The following NRXN1 variants were observed in gnomAD, a reference collection of about 807,000 sequenced individuals.
NRXN1 encodes neurexin-1.
NRXN1 carries 39 observed loss-of-function variants against 150.9 expected under a neutral mutation model. That is an observed-to-expected ratio of 0.26 (90% CI 0.20 to 0.34). NRXN1 has a LOEUF of 0.34. Ranked by LOEUF, NRXN1 falls within the 10% of genes least tolerant of loss-of-function variation. The pLI is 1.00. For missense variants in NRXN1, 1,815 were observed against 1,949.9 expected (o/e 0.93, Z 1.30); for synonymous variants, 924 against 757.0 (o/e 1.22, Z -3.62).
intron 17 of NRXN1, among the ~76,000 whole-genome samples, chr2:50,304,093 T>C (rs974082496): frequency 6.6e-6 from 1 of 152,148 alleles, no homozygotes; most frequent in African/African-American, 2.4e-5. Flanking sequence ...TCGATGAAGA[T>C]GCAGCAGAAA....
chr2:50,036,708 G>C (rs1445428898), intron 21 of NRXN1, among the ~76,000 whole-genome samples: 1 of 152,136 alleles, frequency 6.6e-6, no homozygotes, highest in African/African-American at 2.4e-5. Flanking sequence ...TGCTTAATCG[G>C]TGTGGCAAAA....
intron 17 of NRXN1, among the ~76,000 whole-genome samples, chr2:50,449,048 T>A (rs150014361): frequency 2.0e-4 from 31 of 152,270 alleles, no homozygotes; most frequent in African/African-American, 7.0e-4. Context: ...TTAAACTAGA[T>A]CATCTAATGA....
At position 49,918,772 on chromosome 2, in the gene NRXN1, A is replaced by G. The variant is rs1439696118; in HGVS notation, c.*3172T>C. 1 of 152,130 alleles carries G rather than the reference A, an allele frequency of 6.6e-6. No homozygotes were observed. The highest frequency in any genetic ancestry group is 2.4e-5 in the African/African-American group (1 of 41,442). 9.4% of individuals were successfully genotyped at this position (152,130 alleles called of 1,614,324 possible). On this transcript the variant is annotated 3_prime_UTR_variant, in exon 23 of 23. Coordinates refer to ENST00000401669, the MANE Select transcript of NRXN1 (RefSeq NM_001330078.2). ...AACATTCTTCCTCTATAATATAAGG[A>G]TGGGTCTTCCCTTCAAATGCAGCCT...
At chr2:50,863,323 C>CTT (rs1226627167) in intron 5 of NRXN1, among the ~76,000 whole-genome samples, 11 of 152,038 alleles carry the variant, frequency 7.2e-5, no homozygotes, top group African/African-American at 2.7e-4. Context: ...ACCACCGCAG[C>CTT]AATTTCAGGT....
chr2:50,477,517 CT>C (rs2090087152), intron 15 of NRXN1, among the ~76,000 whole-genome samples: 1 of 152,118 alleles, frequency 6.6e-6, no homozygotes. Flanking sequence ...TTCCTCTTCA[CT>C]TAAAATAGGA....
intron 3 of NRXN1, 63 bp from the exon 4 acceptor site, chr2:50,922,750 A>C: frequency 1.3e-6 from 2 of 1,531,646 alleles, no homozygotes; most frequent in Non-Finnish European, 1.8e-6. Flanking sequence ...CAGGGTTGTC[A>C]CGGTGACAAA....
intron 21 of NRXN1, among the ~76,000 whole-genome samples, chr2:50,017,362 C>T (rs149383794): frequency 1.3e-5 from 2 of 152,214 alleles, no homozygotes; most frequent in East Asian, 3.9e-4. Context: ...CCATAAACTG[C>T]CCCCTTGTCT....
intron 6 of NRXN1, 123 bp from the exon 7 acceptor site, chr2:50,621,372 A>C (rs1440484074): frequency 1.5e-6 from 1 of 662,986 alleles, no homozygotes; most frequent in Non-Finnish European, 2.5e-6. Context: ...CGGTTAGTAG[A>C]ATGAAACATT....
chr2:50,301,927 G>A (rs886208435), intron 17 of NRXN1, among the ~76,000 whole-genome samples: 2 of 152,126 alleles, frequency 1.3e-5, no homozygotes, highest in Non-Finnish European at 2.9e-5. Flanking sequence ...TGAGTACAAA[G>A]TCTTTCCAAA....
chr2:50,040,731 C>CA (rs1229610305), intron 21 of NRXN1, among the ~76,000 whole-genome samples: 2 of 151,720 alleles, frequency 1.3e-5, no homozygotes, highest in Non-Finnish European at 2.9e-5. Flanking sequence ...TACAACAAAG[C>CA]AAAAAAGTGA....
intron 21 of NRXN1, among the ~76,000 whole-genome samples, chr2:49,977,484 T>C (rs2152503275): frequency 6.6e-6 from 1 of 152,344 alleles, no homozygotes; most frequent in Non-Finnish European, 1.5e-5. Flanking sequence ...GCTAAACTTT[T>C]CTACCTTCTT....
intron 21 of NRXN1, among the ~76,000 whole-genome samples, chr2:49,999,728 T>C (rs778049329): frequency 6.6e-6 from 1 of 152,184 alleles, no homozygotes; most frequent in Non-Finnish European, 1.5e-5. Flanking sequence ...CCACACCTCA[T>C]AGAACACACA....
chr2:49,945,758 G>A (rs1450903676), intron 21 of NRXN1, among the ~76,000 whole-genome samples: 1 of 152,136 alleles, frequency 6.6e-6, no homozygotes, highest in African/African-American at 2.4e-5. Context: ...TGGTGTATAT[G>A]TGCCACATTT....
chr2:50,931,390 C>G (rs1191987255), intron 2 of NRXN1, among the ~76,000 whole-genome samples: 1 of 151,906 alleles, frequency 6.6e-6, no homozygotes, highest in Non-Finnish European at 1.5e-5. Context: ...TATGACTAAA[C>G]CACATTGTAA....
chr2:50,055,289 C>G (rs1693422009), intron 19 of NRXN1, among the ~76,000 whole-genome samples: 1 of 152,138 alleles, frequency 6.6e-6, no homozygotes, highest in Non-Finnish European at 1.5e-5. Flanking sequence ...GGTTATTAAA[C>G]TTATGTTATA....
chr2:50,811,925 T>C (rs1668267267), intron 5 of NRXN1, among the ~76,000 whole-genome samples: 1 of 152,156 alleles, frequency 6.6e-6, no homozygotes, highest in Non-Finnish European at 1.5e-5. Context: ...TGTAAGATTT[T>C]GGTACAATAT....
intron 17 of NRXN1, among the ~76,000 whole-genome samples, chr2:50,299,624 T>A (rs1261118464): frequency 6.6e-6 from 1 of 152,166 alleles, no homozygotes; most frequent in Non-Finnish European, 1.5e-5. Flanking sequence ...AAACATAGTA[T>A]AAATATCAAG....
chr2:50,262,808 G>C (rs1212154102), intron 17 of NRXN1, among the ~76,000 whole-genome samples: 3 of 151,948 alleles, frequency 2.0e-5, no homozygotes, highest in Non-Finnish European at 4.4e-5. Context: ...ATGGTCCACA[G>C]ATTATTAATT....
intron 2 of NRXN1, among the ~76,000 whole-genome samples, chr2:51,007,526 A>G (rs1667207206): frequency 6.6e-6 from 1 of 152,006 alleles, no homozygotes. Context: ...TATACACATC[A>G]AAACGTACTT....
Sources: gnomAD v4.1 joint callset for allele counts (sites outside exome capture counted in the v4.1 genomes callset) on GRCh38, gnomAD v4.1.1 for gene constraint, MANE v1.5 for transcripts, NCBI Gene and HGNC (gene_info 2026-07-23, HGNC 2026-07-21) for gene names.